ACTL6A: variants seen among roughly 807,000 people sequenced by gnomAD.
ACTL6A encodes the protein actin-like protein 6A.
In ACTL6A, 5 loss-of-function variants were observed where a neutral mutation model predicts 59.2. That is an observed-to-expected ratio of 0.08 (90% CI 0.04 to 0.18). The LOEUF is 0.18. ACTL6A is among the 10% of genes least tolerant of loss of function. The probability of loss-of-function intolerance (pLI) is 1.00; values close to 1 mark genes in which losing one functional copy is unlikely to be tolerated. For synonymous variants in ACTL6A, 154 were observed against 171.8 expected (o/e 0.90, Z 0.81); for missense variants, 285 against 526.9 (o/e 0.54, Z 4.49).
At chr3:179,585,823 G>A (rs1474843719) in intron 12 of ACTL6A, among the ~76,000 whole-genome samples, 1 of 152,172 alleles carries the variant, frequency 6.6e-6, no homozygotes, top group Non-Finnish European at 1.5e-5. Context: ...CAATAAAATT[G>A]TGTTATCAAG....
At chr3:179,581,768 A>G (rs915649858) in intron 11 of ACTL6A, among the ~76,000 whole-genome samples, 2 of 152,216 alleles carry the variant, frequency 1.3e-5, no homozygotes, top group Non-Finnish European at 2.9e-5. Context: ...TACTAACTCC[A>G]TATTATATAC....
chr3:179,583,311 A>C (rs1285173150), intron 11 of ACTL6A, 42 bp from the exon 12 acceptor site: 1 of 1,479,068 alleles, frequency 6.8e-7, no homozygotes, highest in African/African-American at 1.4e-5. Flanking sequence ...AACTTTTGGA[A>C]ACATATGGAA....
intron 1 of ACTL6A, among the ~76,000 whole-genome samples, chr3:179,567,456 C>T (rs1403375503): frequency 1.3e-5 from 2 of 152,160 alleles, no homozygotes; most frequent in African/African-American, 2.4e-5. Flanking sequence ...AGGATTTTGA[C>T]ATATGAATTT....
At chr3:179,574,611 T>G in intron 5 of ACTL6A, 144 bp downstream of exon 5, 1 of 668,292 alleles carries the variant, frequency 1.5e-6, no homozygotes, top group Non-Finnish European at 2.7e-6. Context: ...GCTATTCATC[T>G]TTTAGTATTT....
At chr3:179,569,304 G>A (rs899600131) in intron 1 of ACTL6A, among the ~76,000 whole-genome samples, 2 of 152,142 alleles carry the variant, frequency 1.3e-5, no homozygotes, top group African/African-American at 2.4e-5. Flanking sequence ...GAATGGCAAT[G>A]GATCCATTAT....
rs748257527 is a variant in ACTL6A, at chr3:179,570,085, A to G, written c.121A>G (p.Ile41Val). Residue 41 changes from isoleucine (I) to valine (V), a missense_variant, in exon 3 of 14, where the codon ATT (isoleucine) becomes GTT (valine). Coordinates refer to ENST00000429709, the MANE Select transcript of ACTL6A (RefSeq NM_004301.5). This position sits in a 1 kb window ranked among gnomAD's most constrained non-coding sequence, Gnocchi z 4.3. ...CTTACAGGTGGATTTTCCTACAGCT[A>G]TTGGTATGGTGGTAGAAAGAGATGA... ...DCPKVDFPTA[I>V]GMVVERDDGS... is the part of the protein sequence containing the mutation. 19 of 1,613,856 alleles carry G rather than the reference A, an allele frequency of 1.2e-5. No homozygotes were observed. Among genetic ancestry groups the G allele is most frequent in the Middle Eastern group, 1.6e-4 (1 of 6,062 alleles).
Position 179,563,137 on chromosome 3 carries a change from C to T in ACTL6A, c.25+20C>T, listed in dbSNP as rs749740842. ...GGGGAGGTGAGTGAGTGCGGCCGGA[C>T]GAGAGAGCGCGCCTTTTCGGCGTGT... is the stretch of plus-strand genomic sequence containing the variant. On this transcript the variant is annotated intron_variant, in intron 1 of 13. Coordinates refer to ENST00000429709, the MANE Select transcript of ACTL6A (RefSeq NM_004301.5). The T allele has an allele frequency of 6.2e-7, 1 of 1,609,694 alleles. No homozygotes were observed. Among genetic ancestry groups the T allele is most frequent in the South Asian group, 1.1e-5 (1 of 90,486 alleles).
At chr3:179,568,900 A>G (rs563587304) in intron 1 of ACTL6A, among the ~76,000 whole-genome samples, 1 of 152,350 alleles carries the variant, frequency 6.6e-6, no homozygotes, top group East Asian at 1.9e-4. Flanking sequence ...TACATTTTAC[A>G]TATTAGGAAA....
At chr3:179,568,904 T>C (rs370039465) in intron 1 of ACTL6A, among the ~76,000 whole-genome samples, 160 of 152,328 alleles carry the variant, frequency 1.1e-3, no homozygotes, top group African/African-American at 3.5e-3. Context: ...TTTTACATAT[T>C]AGGAAACTGA....
At chr3:179,573,554 T>TG in intron 4 of ACTL6A, 85 bp downstream of exon 4, 2 of 935,260 alleles carry the variant, frequency 2.1e-6, no homozygotes, top group Non-Finnish European at 3.2e-6. Context: ...ACTCATTTGA[T>TG]GAACATTTTT....
rs547910028 is a variant in ACTL6A at position 179,571,097 on chromosome 3, G to A, written c.277+856G>A. Among the ~76,000 whole-genome samples the A allele has an allele frequency of 8.5e-5, 13 of 152,106 alleles. 1 individual carries two copies. Among genetic ancestry groups the A allele is most frequent in the Admixed American group, 3.9e-4 (6 of 15,268 alleles). On this transcript the variant is annotated intron_variant, in intron 3 of 13. Transcript: ENST00000429709. ...CCATGCATTGAGATAGGAATATAAA[G>A]GGAAGGAGCAAGTGTTACGGTTTTA... is the stretch of plus-strand genomic sequence containing the variant.
At chr3:179,584,130 G>A (rs1050772438) in intron 12 of ACTL6A, 1 of 152,198 alleles carries the variant, frequency 6.6e-6, no homozygotes, top group African/African-American at 2.4e-5. Flanking sequence ...CAAGGTGTCA[G>A]TGGAGCTATG....
chr3:179,583,319 GAACT>G, intron 11 of ACTL6A, 30 bp from the exon 12 acceptor site: 1 of 1,515,054 alleles, frequency 6.6e-7, no homozygotes, highest in Non-Finnish European at 9.1e-7. Context: ...GAAACATATG[GAACT>G]AATTGATTTT....
chr3:179,586,828 C>G, intron 13 of ACTL6A, 196 bp downstream of exon 13: 1 of 526,540 alleles, frequency 1.9e-6, no homozygotes, highest in Non-Finnish European at 3.2e-6. Context: ...GGACATTTGT[C>G]AGCCTAATTT....
intron 13 of ACTL6A, 152 bp from the exon 14 acceptor site, chr3:179,587,778 A>C (rs1324356880): frequency 1.7e-6 from 1 of 583,458 alleles, no homozygotes; most frequent in East Asian, 3.3e-5. Flanking sequence ...GCATCCCTTG[A>C]ACCAAGAAGT....
intron 1 of ACTL6A, among the ~76,000 whole-genome samples, chr3:179,567,945 G>A (rs894629937): frequency 2.6e-5 from 4 of 152,058 alleles, no homozygotes; most frequent in East Asian, 1.9e-4. Context: ...AGGCCAAGGC[G>A]GGTGGATCAC....
chr3:179,563,025 C>A lies in ACTL6A; in HGVS notation c.-68C>A. 2 of 1,583,152 alleles carry A rather than the reference C, an allele frequency of 1.3e-6. No individual in the cohort carries two copies. The highest frequency in any genetic ancestry group is 1.7e-6 in the Non-Finnish European group (2 of 1,164,190). On this transcript the variant is annotated 5_prime_UTR_variant, in exon 1 of 14. Transcript: ENST00000429709. ...TCAGGGGCTATCGCTCCTCGAGACT[C>A]GCAGTCGCGGCCACTGCAGTCACTT...
rs761055025 is a variant in ACTL6A, at chr3:179,573,467, C to T, written c.376C>T (p.Pro126Ser). 12 of 1,539,072 alleles carry T rather than the reference C, an allele frequency of 7.8e-6. No individual in the cohort carries two copies. The highest frequency in any genetic ancestry group is 1.0e-5 in the Non-Finnish European group (12 of 1,152,268). ...CCATCCTGTTCTCATGTCAGAGGCACCGGTGAGATAAAGATTTTCTTTTTC... is the reference window on the plus strand; with the variant it reads ...CCATCCTGTTCTCATGTCAGAGGCATCGGTGAGATAAAGATTTTCTTTTTC... The part of the protein sequence containing the change: ...SLHPVLMSEA[P>S]WNTRAKREKL... Residue 126 changes from proline to serine, a missense_variant and splice_region_variant, in exon 4 of 14, where the codon CCG (proline) becomes TCG (serine). By Grantham distance (74) the Pro-to-Ser change is moderately conservative. Transcript: ENST00000429709.
At chr3:179,584,136 C>G (rs574480860) in intron 12 of ACTL6A, 2 of 152,146 alleles carry the variant, frequency 1.3e-5, no homozygotes, top group Non-Finnish European at 2.9e-5. Context: ...GTCAGTGGAG[C>G]TATGCTGAAT....
Sources: gnomAD v4.1 joint callset for allele counts (sites outside exome capture counted in the v4.1 genomes callset) on GRCh38, gnomAD v4.1.1 for gene constraint, Gnocchi (gnomAD v3.1) non-coding constraint, MANE v1.5 for transcripts, NCBI Gene and HGNC (gene_info 2026-07-23, HGNC 2026-07-21) for gene names.